Variants in RNPEP observed in about 807,000 individuals in gnomAD.
RNPEP encodes aminopeptidase B.
RNPEP carries 57 observed loss-of-function variants against 70.1 expected under a neutral mutation model. The ratio of observed to expected loss-of-function variants is 0.81; its 90% CI spans 0.66 to 1.01. The LOEUF is 1.01. Ranked by LOEUF, RNPEP falls within the 50% of genes least tolerant of loss-of-function variation. The pLI, the probability that RNPEP is intolerant of heterozygous loss-of-function variation, is 0.00. For synonymous variants in RNPEP, 335 were observed against 357.4 expected (o/e 0.94, Z 0.71); for missense variants, 787 against 852.4 (o/e 0.92, Z 0.96).
In RNPEP at chr1:201,983,119, T is replaced by A. The variant is rs1225220263; in HGVS notation, c.447+6T>A. 5 of 1,461,814 alleles carry A rather than the reference T, an allele frequency of 3.4e-6. No individual in the cohort carries two copies. Among genetic ancestry groups the A allele is most frequent in the Non-Finnish European group, 4.5e-6 (5 of 1,116,954 alleles). 90.6% of individuals were successfully genotyped at this position (1,461,814 alleles called of 1,614,324 possible). Reference sequence around the variant, plus strand: ...GCGTCGGGGAGGGACCCGGGGTGAGTGCGCCCCAGACTGCGCCCGCCGCTG... The same window carrying A: ...GCGTCGGGGAGGGACCCGGGGTGAGAGCGCCCCAGACTGCGCCCGCCGCTG... On this transcript the variant is annotated splice_donor_region_variant and intron_variant, in intron 1 of 10. Transcript: ENST00000295640.
rs973807603 is a variant in RNPEP, at chr1:202,002,414, G to A, written c.1426+647G>A. ...TGACCTCAGGTGATCCACCTGCCTC[G>A]GCCTCCCAAAGTGCTGGGATTACAG... On this transcript the variant is annotated intron_variant, in intron 8 of 10. Coordinates refer to ENST00000295640, the MANE Select transcript of RNPEP (RefSeq NM_020216.4). Among the ~76,000 whole-genome samples, 12 of 152,184 alleles carry A rather than the reference G, an allele frequency of 7.9e-5. 1 individual carries two copies. Among genetic ancestry groups the A allele is most frequent in the East Asian group, 3.9e-4 (2 of 5,168 alleles).
Position 201,996,260 on chromosome 1 carries a change from G to A in RNPEP, c.851G>A (p.Gly284Glu). 1 of 1,601,184 alleles carries A rather than the reference G, an allele frequency of 6.2e-7. No individual in the cohort carries two copies. Among genetic ancestry groups the A allele is most frequent in the Non-Finnish European group, 8.6e-7 (1 of 1,168,146 alleles). The change falls in exon 4 of 11, where the codon GGA (glycine) becomes GAA (glutamate). Residue 284 changes from glycine (G) to glutamate (E), a missense_variant. By Grantham distance (98) the Gly-to-Glu change is moderately conservative (BLOSUM62 -2). Coordinates refer to ENST00000295640, the MANE Select transcript of RNPEP (RefSeq NM_020216.4). ...AAGCTTTTTGGACCTTATGTTTGGG[G>A]AAGGTGTGGTATCACATTGACTCTA... The part of the protein sequence containing the change: ...GEKLFGPYVW[G>E]RYDLLFMPPS...
At chr1:202,001,848 G>T (rs1411417856) in intron 8 of RNPEP, 81 bp downstream of exon 8, 13 of 977,586 alleles carry the variant, frequency 1.3e-5, no homozygotes, top group Non-Finnish European at 1.9e-5. Flanking sequence ...GATGGTGGTG[G>T]ATGGGAAAAC....
At chr1:202,001,790 A>G in intron 8 of RNPEP, 23 bp downstream of exon 8, 1 of 1,368,740 alleles carries the variant, frequency 7.3e-7, no homozygotes, top group Non-Finnish European at 1.0e-6. Context: ...ACTGGCCCAC[A>G]GGCTTCTAAA....
At chr1:201,992,495 A>T (rs1683376908) in intron 3 of RNPEP, among the ~76,000 whole-genome samples, 1 of 151,442 alleles carries the variant, frequency 6.6e-6, no homozygotes. Context: ...ATTCATCCTG[A>T]CTCTGCTAAC....
At chr1:202,001,570 T>G (rs566601624) in intron 7 of RNPEP, 82 bp downstream of exon 7, 1 of 1,429,874 alleles carries the variant, frequency 7.0e-7, no homozygotes, top group Admixed American at 1.7e-5. Flanking sequence ...GGGCGAAAGA[T>G]GTAAGGGGTT....
chr1:201,984,493 G>C (rs1259873616), intron 1 of RNPEP, among the ~76,000 whole-genome samples: 1 of 152,198 alleles, frequency 6.6e-6, no homozygotes, highest in South Asian at 2.1e-4. Context: ...AGGCAGGTGT[G>C]CCCTAAGCGG....
chr1:201,983,631 CTTTG>C, intron 1 of RNPEP: 1 of 1,204,368 alleles, frequency 8.3e-7, no homozygotes, highest in Non-Finnish European at 1.1e-6. Flanking sequence ...AAGCTCTTAT[CTTTG>C]TTTTTGTTTC....
At position 201,997,514 on chromosome 1, in the gene RNPEP, C is replaced by T; in HGVS notation, c.1050C>T (p.Phe350=). The change falls in exon 5 of 11, where the codon TTC becomes TTT. Residue 350 remains phenylalanine (F), a synonymous_variant. Transcript: ENST00000295640. Reference sequence around the variant, plus strand: ...GTGAATTCTGGCTCAATGAAGGTTTCACCATGTACGCCCAGAGGAGGATCT... The same window carrying T: ...GTGAATTCTGGCTCAATGAAGGTTTTACCATGTACGCCCAGAGGAGGATCT... ...NWGEFWLNEG[F]TMYAQRRIST... The T allele has an allele frequency of 1.2e-6, 2 of 1,614,098 alleles. No homozygotes were observed. The highest frequency in any genetic ancestry group is 1.1e-5 in the South Asian group (1 of 91,082).
chr1:201,983,148 G>A (rs1045187231), intron 1 of RNPEP, 35 bp downstream of exon 1: 9 of 1,436,240 alleles, frequency 6.3e-6, no homozygotes, highest in East Asian at 2.7e-5. Context: ...GCCGCTGCCT[G>A]CCTGCCCTTC....
At chr1:201,998,087 A>G (rs536122206) in intron 5 of RNPEP, among the ~76,000 whole-genome samples, 69 of 152,248 alleles carry the variant, frequency 4.5e-4, no homozygotes, top group South Asian at 8.3e-4. Flanking sequence ...CTATAGCTGC[A>G]TATATGGATG....
intron 6 of RNPEP, chr1:202,000,310 AG>A (rs1488215317): frequency 1.8e-5 from 5 of 282,256 alleles, no homozygotes; most frequent in African/African-American, 8.7e-5. Flanking sequence ...CATGATCATC[AG>A]GGCAGATCTG....
chr1:202,003,502 C>T (rs1297640017), intron 9 of RNPEP, 41 bp downstream of exon 9: 2 of 1,420,770 alleles, frequency 1.4e-6, no homozygotes, highest in Admixed American at 1.8e-5. Context: ...GTGTGCACAG[C>T]TTTATGTCAG....
intron 6 of RNPEP, among the ~76,000 whole-genome samples, chr1:202,000,646 G>T (rs1047817596): frequency 1.3e-5 from 2 of 152,092 alleles, no homozygotes; most frequent in African/African-American, 4.8e-5. Flanking sequence ...GGTGGTTCAC[G>T]CCTGTAATCC....
chr1:201,985,294 T>C (rs1199473141), intron 1 of RNPEP, among the ~76,000 whole-genome samples: 1 of 152,038 alleles, frequency 6.6e-6, no homozygotes, highest in Non-Finnish European at 1.5e-5. Context: ...TATTGACTGG[T>C]ATAGTGGCAC....
At chr1:201,983,847 G>T in intron 1 of RNPEP, 1 of 1,031,866 alleles carries the variant, frequency 9.7e-7, no homozygotes, top group Non-Finnish European at 1.2e-6. Context: ...AATCCTTCCT[G>T]GAGAGTCCTT....
At chr1:201,983,263 C>T (rs774650954) in intron 1 of RNPEP, 150 bp downstream of exon 1, 25 of 1,440,490 alleles carry the variant, frequency 1.7e-5, no homozygotes, top group Non-Finnish European at 2.3e-5. Flanking sequence ...CGCGCCGCCT[C>T]TAGGCCTCCT....
chr1:201,994,355 G>A lies in RNPEP; in HGVS notation c.738-1792G>A, dbSNP rs192982424. On this transcript the variant is annotated intron_variant, in intron 3 of 10. Coordinates refer to ENST00000295640, the MANE Select transcript of RNPEP (RefSeq NM_020216.4). ...CTTAAAATGCTCCCATGGCTCTGAA[G>A]GTCCGGTTCTGTAACAGTGCACCTG... 2.6e-5 allele frequency among the ~76,000 whole-genome samples: 4 copies of A among 152,268 alleles called. No homozygotes were observed. The East Asian group carries it at 7.7e-4, about 29-fold the overall frequency.
At chr1:201,999,867 CG>C in intron 5 of RNPEP, 34 bp from the exon 6 acceptor site, 1 of 1,540,808 alleles carries the variant, frequency 6.5e-7, no homozygotes, top group Non-Finnish European at 8.9e-7. Context: ...TGGTGACAGA[CG>C]TTTTCCCGAG....
Sources: allele counts gnomAD v4.1 joint callset (sites outside exome capture counted in the v4.1 genomes callset), GRCh38; gene constraint gnomAD v4.1.1; transcripts MANE v1.5; gene names NCBI Gene and HGNC (gene_info 2026-07-23, HGNC 2026-07-21).